Variants in ZNF16 observed in about 807,000 individuals in gnomAD.
The protein encoded by ZNF16 is zinc finger protein KOX9.
A neutral mutation model predicts 9.0 loss-of-function variants in ZNF16; 7 were observed. The ratio of observed to expected loss-of-function variants is 0.78; its 90% CI spans 0.44 to 1.47. The LOEUF (loss-of-function observed/expected upper bound fraction) is 1.47. Among genes scored for constraint, ZNF16 ranks in the 40% most tolerant of loss-of-function variants. The probability of loss-of-function intolerance (pLI) is 0.01; values close to 1 mark genes in which losing one functional copy is unlikely to be tolerated. For synonymous variants in ZNF16, 312 were observed against 301.5 expected (o/e 1.03, Z -0.36); for missense variants, 830 against 854.2 (o/e 0.97, Z 0.35).
At chr8:144,945,070 C>A (rs1165213589) in intron 2 of ZNF16, 1 of 151,976 alleles carries the variant, frequency 6.6e-6, no homozygotes, top group African/African-American at 2.4e-5. Flanking sequence ...TGAGCACACA[C>A]CCAGTCCTGC....
rs1340492067 is a variant in ZNF16, at chr8:144,933,888, C to T, written c.197-1298G>A. ...CCTACTTTCCTTGCCCCCACCCTGG[C>T]TGTCACCCACAGCCTGGATCACTCC... is the stretch of plus-strand genomic sequence containing the variant. On this transcript the variant is annotated intron_variant, in intron 2 of 2. Transcript: ENST00000394909. This position sits in a 1 kb window ranked among gnomAD's most constrained non-coding sequence, Gnocchi z 5.6. Among the ~76,000 whole-genome samples the T allele has an allele frequency of 1.3e-5, 2 of 152,218 alleles. No individual in the cohort carries two copies. Among genetic ancestry groups the T allele is most frequent in the African/African-American group, 2.4e-5 (1 of 41,460 alleles).
At chr8:144,934,681 A>G (rs1276919488) in intron 2 of ZNF16, among the ~76,000 whole-genome samples, 1 of 152,102 alleles carries the variant, frequency 6.6e-6, no homozygotes, top group Non-Finnish European at 1.5e-5. Context: ...CTGACTTGGG[A>G]GACCGTTGCC....
intron 1 of ZNF16, among the ~76,000 whole-genome samples, chr8:144,949,944 C>T (rs1368609410): frequency 6.6e-6 from 1 of 152,178 alleles, no homozygotes; most frequent in South Asian, 2.1e-4. Context: ...AGGAAGGCCA[C>T]TCTCTCCTGC....
At chr8:144,934,698 T>C (rs556826269) in intron 2 of ZNF16, among the ~76,000 whole-genome samples, 4 of 152,118 alleles carry the variant, frequency 2.6e-5, no homozygotes, top group Non-Finnish European at 4.4e-5. Context: ...TGCCCTCTTC[T>C]GGCTGTGTGG....
chr8:144,942,895 G>A (rs937500071), intron 2 of ZNF16, among the ~76,000 whole-genome samples: 11 of 152,152 alleles, frequency 7.2e-5, no homozygotes, highest in Admixed American at 5.9e-4. Flanking sequence ...AAAATATAGG[G>A]ATACTAACTT....
At chr8:144,936,985 G>A (rs977270557) in intron 2 of ZNF16, among the ~76,000 whole-genome samples, 4 of 151,060 alleles carry the variant, frequency 2.6e-5, no homozygotes, top group African/African-American at 9.7e-5. Flanking sequence ...GTGAGCCACC[G>A]TGCCCAGCCT....
At chr8:144,939,524 A>G (rs1352379849) in intron 2 of ZNF16, among the ~76,000 whole-genome samples, 1 of 144,040 alleles carries the variant, frequency 6.9e-6, no homozygotes, top group Non-Finnish European at 1.5e-5. Context: ...TGAACCCAGG[A>G]GGCAGAGGTC....
chr8:144,946,088 G>C lies in ZNF16; in HGVS notation c.119C>G (p.Pro40Arg), dbSNP rs1306298734. Reference sequence around the variant, plus strand: ...GGGGGTACCACAGGCTGCAGATCCAGGGTGGGTCACAGCAGGAGCATCTCT... The same window carrying C: ...GGGGGTACCACAGGCTGCAGATCCACGGTGGGTCACAGCAGGAGCATCTCT... ...RVRDAPAVTHPGSAACGTPCC... is the reference protein window; with the variant it reads ...RVRDAPAVTHRGSAACGTPCC... The change falls in exon 2 of 3, where the codon CCT (proline) becomes CGT (arginine). Residue 40 changes from proline to arginine, a missense_variant. Pro to Arg is a moderately radical substitution (Grantham distance 103). Coordinates refer to ENST00000394909, the MANE Select transcript of ZNF16 (RefSeq NM_006958.3). 3 of 1,613,328 alleles carry C rather than the reference G, an allele frequency of 1.9e-6. No individual in the cohort carries two copies. The highest frequency in any genetic ancestry group is 1.7e-5 in the Admixed American group (1 of 60,006).
At chr8:144,946,320 C>G in intron 1 of ZNF16, 105 bp from the exon 2 acceptor site, 1 of 1,126,288 alleles carries the variant, frequency 8.9e-7, no homozygotes, top group Non-Finnish European at 1.2e-6. Flanking sequence ...AGCCCAAGAC[C>G]TGAAGAGGGC....
At chr8:144,947,411 G>C (rs1344007664) in intron 1 of ZNF16, among the ~76,000 whole-genome samples, 2 of 148,344 alleles carry the variant, frequency 1.3e-5, no homozygotes, top group East Asian at 2.0e-4. Flanking sequence ...ATCCTGCTGT[G>C]ACCACTCTTC....
chr8:144,937,905 C>A (rs954661272), intron 2 of ZNF16, among the ~76,000 whole-genome samples: 4 of 152,064 alleles, frequency 2.6e-5, no homozygotes, highest in African/African-American at 9.7e-5. Flanking sequence ...TGGCCTCAAG[C>A]GATCCTCTCA....
Position 144,931,015 on chromosome 8 carries a change from T to C in ZNF16, c.1772A>G (p.His591Arg), listed in dbSNP as rs1312302227. The C allele has an allele frequency of 3.1e-6, 5 of 1,614,200 alleles. No individual in the cohort carries two copies. The highest frequency in any genetic ancestry group is 3.4e-6 in the Non-Finnish European group (4 of 1,180,034). The part of the protein sequence containing the change: ...AFNRSSNLIH[H>R]QKVHTGEKPY... ...TTTTTCCCCAGTATGAACTTTCTGG[T>C]GGTGAATGAGATTTGAGCTTCGGTT... is the stretch of plus-strand genomic sequence containing the variant. Residue 591 changes from histidine to arginine, a missense_variant, in exon 3 of 3, where the codon CAC becomes CGC. Transcript: ENST00000394909.
chr8:144,931,620 A>C lies in ZNF16; in HGVS notation c.1167T>G (p.Ser389Arg). 6.2e-7 allele frequency: 1 copy of C among 1,612,214 alleles called. No individual in the cohort carries two copies. Among genetic ancestry groups the C allele is most frequent in the Non-Finnish European group, 8.5e-7 (1 of 1,179,380 alleles). Residue 389 changes from serine to arginine, a missense_variant, in exon 3 of 3, where the codon AGT (serine) becomes AGG (arginine). Coordinates refer to ENST00000394909, the MANE Select transcript of ZNF16 (RefSeq NM_006958.3). ...CCCTCTGGTGCTTCCTCAGGTGTGC[A>C]CTCTGGCTGAAGGCTTTCCCACACT... ...CGECGKAFSQ[S>R]AHLRKHQRVH...
Position 144,931,647 on chromosome 8 carries a change from G to T in ZNF16, c.1140C>A (p.Gly380=). ...THTGEKPFEC[G]ECGKAFSQSA... is the part of the protein sequence containing the mutation. ...TCTGGCTGAAGGCTTTCCCACACTCGCCACACTCAAAAGGCTTCTCTCCTG... is the reference window on the plus strand; with the variant it reads ...TCTGGCTGAAGGCTTTCCCACACTCTCCACACTCAAAAGGCTTCTCTCCTG... The change falls in exon 3 of 3, where the codon GGC becomes GGA. Residue 380 remains glycine, a synonymous_variant. Transcript: ENST00000394909. The T allele has an allele frequency of 6.2e-7, 1 of 1,613,038 alleles. No homozygotes were observed. Among genetic ancestry groups the T allele is most frequent in the Non-Finnish European group, 8.5e-7 (1 of 1,179,702 alleles).
In ZNF16 at chr8:144,946,178, T is replaced by C. The variant is rs1833922856; in HGVS notation, c.29A>G (p.Glu10Gly). 12 of 1,537,044 alleles carry C rather than the reference T, an allele frequency of 7.8e-6. No homozygotes were observed. Among genetic ancestry groups the C allele is most frequent in the Non-Finnish European group, 1.1e-5 (12 of 1,134,990 alleles). Residue 10 changes from glutamate to glycine, a missense_variant, in exon 2 of 3, where the codon GAG (glutamate) becomes GGG (glycine). By Grantham distance (98) the Glu-to-Gly change is moderately conservative. Transcript: ENST00000394909. ...TGGAACTGAGAGCTCCATCTCTGCCTCCTCACGGCGAGTTCTGAGGCTGGG... is the reference window on the plus strand; with the variant it reads ...TGGAACTGAGAGCTCCATCTCTGCCCCCTCACGGCGAGTTCTGAGGCTGGG... MPSLRTRRE[E>G]AEMELSVPGP...
Position 144,946,127 on chromosome 8 carries a change from G to C in ZNF16, c.80C>G (p.Ala27Gly). The C allele has an allele frequency of 6.2e-7, 1 of 1,606,014 alleles. No individual in the cohort carries two copies. Reference sequence around the variant, plus strand: ...AGGAGCATCTCTCACACGGGCCTGGGCTGCAGGGGTCCAGGGGGATGGTCC... The same window carrying C: ...AGGAGCATCTCTCACACGGGCCTGGCCTGCAGGGGTCCAGGGGGATGGTCC... ...VPGPSPWTPA[A>G]QARVRDAPAV... Residue 27 changes from alanine (A) to glycine (G), a missense_variant, in exon 2 of 3, where the codon GCC becomes GGC. Physicochemically the swap from Ala to Gly is moderately conservative, Grantham distance 60 (BLOSUM62 0). Transcript: ENST00000394909.
chr8:144,935,482 AG>A (rs1833661060), intron 2 of ZNF16, among the ~76,000 whole-genome samples: 1 of 152,220 alleles, frequency 6.6e-6, no homozygotes, highest in African/African-American at 2.4e-5. Context: ...CTGGGATTAC[AG>A]GTGTGAGCCA....
rs370064503 is a variant in ZNF16, at chr8:144,930,752, G to T, written c.2035C>A (p.His679Asn). The T allele has an allele frequency of 2.6e-6, 4 of 1,528,686 alleles. No individual in the cohort carries two copies. The Admixed American group carries it at 8.7e-5, about 33-fold the overall frequency. The allele number at this position is 1,528,686 out of a possible 1,614,324, so 94.7% of individuals were successfully genotyped here. A position where few individuals can be genotyped will look rare whatever the true frequency, so the allele number is the denominator to read the frequency against. ...AGCCCAACAGCCTATTCCCTGGTGT[G>T]AATCAACTGGTGTTTGATCAACTTT... is the stretch of plus-strand genomic sequence containing the variant. ...RSKLIKHQLI[H>N]TRE is the part of the protein sequence containing the mutation. The change falls in exon 3 of 3, where the codon CAC becomes AAC. Residue 679 changes from histidine (H) to asparagine (N), a missense_variant. By Grantham distance (68) the His-to-Asn change is moderately conservative (BLOSUM62 1). Transcript: ENST00000394909.
chr8:144,939,582 C>T (rs571621518), intron 2 of ZNF16, among the ~76,000 whole-genome samples: 266 of 119,544 alleles, frequency 2.2e-3, no homozygotes, highest in African/African-American at 8.1e-3. Flanking sequence ...AGGAACAGAG[C>T]GAGACTCCGT....
Sources: gnomAD v4.1 joint callset for allele counts (sites outside exome capture counted in the v4.1 genomes callset) on GRCh38, gnomAD v4.1.1 for gene constraint, Gnocchi (gnomAD v3.1) non-coding constraint, MANE v1.5 for transcripts, NCBI Gene and HGNC (gene_info 2026-07-23, HGNC 2026-07-21) for gene names.